AIFM2: variants seen among roughly 807,000 people sequenced by gnomAD.
AIFM2 encodes the protein AIF family member 2, ferroptosis suppressor.
A neutral mutation model predicts 35.7 loss-of-function variants in AIFM2; 38 were observed. The ratio of observed to expected loss-of-function variants is 1.06; its 90% CI spans 0.82 to 1.39. The LOEUF is 1.39. Ranked by LOEUF, AIFM2 falls within the 40% of genes most tolerant of loss-of-function variation. The probability of loss-of-function intolerance (pLI) is 0.00; values close to 1 mark genes in which losing one functional copy is unlikely to be tolerated. For missense variants in AIFM2, 476 were observed against 491.2 expected, an observed-to-expected ratio of 0.97 and a Z score of 0.29; for synonymous variants, 185 against 203.5, an observed-to-expected ratio of 0.91 and a Z score of 0.77.
In AIFM2 at chr10:70,114,007, A is replaced by C. The variant is rs1589844470; in HGVS notation, c.*171T>G. 1.3e-5 allele frequency: 10 copies of C among 760,134 alleles called. No individual in the cohort carries two copies. The highest frequency in any genetic ancestry group is 2.0e-5 in the South Asian group (1 of 50,484). 47.1% of individuals were successfully genotyped at this position (760,134 alleles called of 1,614,324 possible). ...CCTCTAAGGGGGGTATTTGTTTAATACCTCTCTCTCTCCCATTTTTGTTTT... is the reference window on the plus strand; with the variant it reads ...CCTCTAAGGGGGGTATTTGTTTAATCCCTCTCTCTCTCCCATTTTTGTTTT... On this transcript the variant is annotated 3_prime_UTR_variant, in exon 9 of 9. Transcript: ENST00000307864.
intron 3 of AIFM2, among the ~76,000 whole-genome samples, chr10:70,122,596 T>G (rs1362664868): frequency 6.6e-6 from 1 of 152,186 alleles, no homozygotes; most frequent in Non-Finnish European, 1.5e-5. Flanking sequence ...AAGGGAAACC[T>G]CTGCCCCAGT....
At chr10:70,120,366 G>C in intron 5 of AIFM2, 141 bp downstream of exon 5, 1 of 878,162 alleles carries the variant, frequency 1.1e-6, no homozygotes, top group Non-Finnish European at 1.8e-6. Flanking sequence ...TCACACCTTG[G>C]CACAAAACAG....
At chr10:70,123,882 A>ACAGCCC (rs1185656160) in intron 2 of AIFM2, 25 bp downstream of exon 2, 4 of 1,510,664 alleles carry the variant, frequency 2.6e-6, no homozygotes. Context: ...CCTCACAGAG[A>ACAGCCC]CAGCCCCAGA....
chr10:70,121,276 C>T, intron 3 of AIFM2, 65 bp from the exon 4 acceptor site: 1 of 1,450,596 alleles, frequency 6.9e-7, no homozygotes. Flanking sequence ...CAGGGCAGGG[C>T]AGGCCTAGGC....
At position 70,117,894 on chromosome 10, in the gene AIFM2, G is replaced by A. The variant is rs1404717973; in HGVS notation, c.534C>T (p.Ala178=). The A allele has an allele frequency of 6.2e-7, 1 of 1,607,606 alleles. No homozygotes were observed. The highest frequency in any genetic ancestry group is 2.3e-5 in the East Asian group (1 of 44,056). ...KEVTLIHSQV[A]LADKELLPSV... ...AGGGCAGGAGCTCCTTGTCAGCCAG[G>A]GCCACTTGGGAGTGAATGAGAGTGA... The change falls in exon 6 of 9, where the codon GCC becomes GCT. Residue 178 remains alanine, a synonymous_variant. Coordinates refer to ENST00000307864, the MANE Select transcript of AIFM2 (RefSeq NM_032797.6). This position sits in a 1 kb window ranked among gnomAD's most constrained non-coding sequence, Gnocchi z 4.7.
At chr10:70,124,256 G>T (rs2072542294) in intron 1 of AIFM2, among the ~76,000 whole-genome samples, 159 bp from the exon 2 acceptor site, 1 of 152,170 alleles carries the variant, frequency 6.6e-6, no homozygotes, top group African/African-American at 2.4e-5. Context: ...ATTAAATTCA[G>T]AAGGAACAAG....
At chr10:70,121,310 C>T in intron 3 of AIFM2, 99 bp from the exon 4 acceptor site, 1 of 1,407,342 alleles carries the variant, frequency 7.1e-7, no homozygotes, top group Non-Finnish European at 9.2e-7. Flanking sequence ...TCCCGGCCTG[C>T]CAGCCGGGAC....
Position 70,121,210 on chromosome 10 carries a change from G to A in AIFM2, c.296C>T (p.Ala99Val), listed in dbSNP as rs199852871. The A allele has an allele frequency of 2.4e-5, 35 of 1,481,222 alleles. No homozygotes were observed. The highest frequency in any genetic ancestry group is 2.9e-5 in the Non-Finnish European group (32 of 1,111,930). The allele number at this position is 1,481,222 out of a possible 1,614,324, so 91.8% of individuals were successfully genotyped here. A position where few individuals can be genotyped will look rare whatever the true frequency, so the allele number is the denominator to read the frequency against. Residue 99 changes from alanine (A) to valine (V), a missense_variant and splice_region_variant, in exon 4 of 9, where the codon GCC becomes GTC. By Grantham distance (64) the Ala-to-Val change is moderately conservative (BLOSUM62 0). Transcript: ENST00000307864. ...CAGGATAAGATGAGAGAAGGGCAGG[G>A]CCTGAGAGAAACCAAAAAAAAAAAA... is the stretch of plus-strand genomic sequence containing the variant. ...NQMVLLQGGE[A>V]LPFSHLILAT... is the part of the protein sequence containing the mutation.
intron 4 of AIFM2, 107 bp downstream of exon 4, chr10:70,120,985 C>A: frequency 1.3e-6 from 2 of 1,498,828 alleles, no homozygotes; most frequent in South Asian, 2.7e-5. Context: ...ATGGCTACAG[C>A]CAGCAGCTCT....
In AIFM2 at chr10:70,123,512, TG is replaced by T. The variant is rs1332585528; in HGVS notation, c.186del (p.Lys64ArgfsTer8). ...ACCGAGTAAGAAATGAATGTCTTTT[TG>T]GCGAACCCTGGGGAAGGGACACAGA... Reference protein sequence around the residue: ...ALRASVETGFAKKTFISYSVT... With the variant: ...ALRASVETGFXKKTFISYSVT... On this transcript the variant is annotated frameshift_variant, in exon 3 of 9. Transcript: ENST00000307864. LOFTEE classifies it high-confidence loss of function. The T allele has an allele frequency of 3.7e-6, 6 of 1,613,924 alleles. No individual in the cohort carries two copies. Among genetic ancestry groups the T allele is most frequent in the Non-Finnish European group, 5.1e-6 (6 of 1,179,944 alleles).
At chr10:70,120,850 G>A (rs1485038853) in intron 4 of AIFM2, among the ~76,000 whole-genome samples, 1 of 152,174 alleles carries the variant, frequency 6.6e-6, no homozygotes, top group Admixed American at 6.5e-5. Flanking sequence ...AAAAGCCCCA[G>A]GAGAGGAAAG....
chr10:70,124,182 T>C, intron 1 of AIFM2, 85 bp from the exon 2 acceptor site: 1 of 1,039,224 alleles, frequency 9.6e-7, no homozygotes, highest in Non-Finnish European at 1.3e-6. Flanking sequence ...GCCTCGATCA[T>C]GAATTGACCT....
chr10:70,125,369 G>A (rs2072553216), intron 1 of AIFM2, among the ~76,000 whole-genome samples: 1 of 143,682 alleles, frequency 7.0e-6, no homozygotes. Context: ...GGGAGGCTGA[G>A]GAAGGAGGAT....
At chr10:70,128,155 G>A (rs1223494987) in intron 1 of AIFM2, among the ~76,000 whole-genome samples, 2 of 152,338 alleles carry the variant, frequency 1.3e-5, no homozygotes, top group East Asian at 3.9e-4. Flanking sequence ...CACACACCCT[G>A]TAGGAGATGA....
Position 70,131,673 on chromosome 10 carries a change from C to T in AIFM2, c.-14+1061G>A, listed in dbSNP as rs1205180369. 6.6e-6 allele frequency among the ~76,000 whole-genome samples: 1 copy of T among 152,188 alleles called. No homozygotes were observed. Among genetic ancestry groups the T allele is most frequent in the Non-Finnish European group, 1.5e-5 (1 of 68,038 alleles). ...CTTCATTTGGCCACCAGACAAAAGT[C>T]AGGCTGGCCCTGGAGTCCACCGGCC... On this transcript the variant is annotated intron_variant, in intron 1 of 8. Transcript: ENST00000307864. The surrounding 1 kb of genome is among the most constrained non-coding windows in gnomAD (Gnocchi z 4.1).
chr10:70,126,914 C>G (rs1218796649), intron 1 of AIFM2, among the ~76,000 whole-genome samples: 3 of 85,154 alleles, frequency 3.5e-5, no homozygotes, highest in African/African-American at 1.4e-4. Flanking sequence ...AGATTAGGAC[C>G]CAAGACAACC....
At position 70,116,698 on chromosome 10, in the gene AIFM2, GC is replaced by G; in HGVS notation, c.692del (p.Gly231AlafsTer9). 6.2e-7 allele frequency: 1 copy of G among 1,614,214 alleles called. No individual in the cohort carries two copies. The highest frequency in any genetic ancestry group is 2.2e-5 in the East Asian group (1 of 44,886). The stretch of plus-strand genomic sequence containing the variant: ...TCACCAGGTTGGTGGCCACCTCTGT[GC>G]CTTTGTCCGTCTGCACTTTGATGTA... ...REYIKVQTDK[G>X]TEVATNLVIL... On this transcript the variant is annotated frameshift_variant, in exon 7 of 9. Coordinates refer to ENST00000307864, the MANE Select transcript of AIFM2 (RefSeq NM_032797.6). LOFTEE classifies it high-confidence loss of function.
chr10:70,114,357 G>A, intron 8 of AIFM2, 28 bp from the exon 9 acceptor site: 1 of 1,613,300 alleles, frequency 6.2e-7, no homozygotes, highest in Non-Finnish European at 8.5e-7. Context: ...GAAACAACCA[G>A]AACCTCACTG....
At chr10:70,119,866 T>C (rs2072478854) in intron 5 of AIFM2, among the ~76,000 whole-genome samples, 1 of 152,196 alleles carries the variant, frequency 6.6e-6, no homozygotes, top group Non-Finnish European at 1.5e-5. Flanking sequence ...CAGGATTTCC[T>C]CTTTCTCGCT....
Sources: allele counts gnomAD v4.1 joint callset (sites outside exome capture counted in the v4.1 genomes callset), GRCh38; gene constraint gnomAD v4.1.1; non-coding constraint Gnocchi (gnomAD v3.1); transcripts MANE v1.5; gene names NCBI Gene and HGNC (gene_info 2026-07-23, HGNC 2026-07-21).